GRIN2B: variants seen among roughly 807,000 people sequenced by gnomAD.
GRIN2B encodes the protein glutamate ionotropic receptor NMDA type subunit 2B, also known as glutamate receptor ionotropic, NMDA 2B.
In GRIN2B, 5 loss-of-function variants were observed where a neutral mutation model predicts 114.5. The ratio of observed to expected loss-of-function variants is 0.04; its 90% CI spans 0.02 to 0.09. The LOEUF (loss-of-function observed/expected upper bound fraction) is 0.09, where lower values mean the gene tolerates loss of function less well. Ranked by LOEUF, GRIN2B falls within the 10% of genes least tolerant of loss-of-function variation. The pLI is 1.00. For missense variants in GRIN2B, 1,108 were observed against 1,943.5 expected, an observed-to-expected ratio of 0.57 and a Z score of 8.08; for synonymous variants, 787 against 745.1, an observed-to-expected ratio of 1.06 and a Z score of -0.92.
At chr12:13,667,069 G>C (rs939027425) in intron 5 of GRIN2B, among the ~76,000 whole-genome samples, 1 of 152,140 alleles carries the variant, frequency 6.6e-6, no homozygotes, top group Admixed American at 6.5e-5. Context: ...GCGCTGGAAA[G>C]GGTCTCATAC....
chr12:13,690,923 A>G (rs1369430800), intron 4 of GRIN2B, among the ~76,000 whole-genome samples: 2 of 152,186 alleles, frequency 1.3e-5, no homozygotes, highest in African/African-American at 4.8e-5. Context: ...GAAAGAAATG[A>G]AATCAAATTC....
At chr12:13,647,276 G>A (rs1949769957) in intron 5 of GRIN2B, among the ~76,000 whole-genome samples, 1 of 152,046 alleles carries the variant, frequency 6.6e-6, no homozygotes, top group Non-Finnish European at 1.5e-5. Context: ...CTTTTTAATA[G>A]AAGAGGAAAT....
chr12:13,892,035 G>C (rs1402196025), intron 2 of GRIN2B, among the ~76,000 whole-genome samples: 1 of 152,074 alleles, frequency 6.6e-6, no homozygotes, highest in Non-Finnish European at 1.5e-5. Flanking sequence ...ACTCAGCCTG[G>C]GACATGTCAT....
chr12:13,681,844 CTGT>C lies in GRIN2B; in HGVS notation c.1011-5988_1011-5986del, dbSNP rs1457165827. Among the ~76,000 whole-genome samples the C allele has an allele frequency of 2.6e-5, 4 of 152,186 alleles. No homozygotes were observed. The South Asian group carries it at 6.2e-4, about 24-fold the overall frequency. On this transcript the variant is annotated intron_variant, in intron 4 of 13. Transcript: ENST00000609686. ...TGTTCTTAGTAATATTGCTATAATT[CTGT>C]TATTATTAGCTGCTGTTATTACTCT...
chr12:13,793,795 T>G (rs1019218111), intron 3 of GRIN2B, among the ~76,000 whole-genome samples: 1 of 152,164 alleles, frequency 6.6e-6, no homozygotes, highest in Non-Finnish European at 1.5e-5. Context: ...TCTTAGCCTC[T>G]GAGCACAATC....
intron 10 of GRIN2B, among the ~76,000 whole-genome samples, chr12:13,576,590 A>G (rs983917479): frequency 6.6e-6 from 1 of 150,908 alleles, no homozygotes; most frequent in Non-Finnish European, 1.5e-5. Flanking sequence ...TCTGTCACCC[A>G]GGCTGGAGTG....
At chr12:13,621,924 C>T (rs566337047) in intron 5 of GRIN2B, among the ~76,000 whole-genome samples, 17 of 152,194 alleles carry the variant, frequency 1.1e-4, no homozygotes, top group African/African-American at 3.9e-4. Flanking sequence ...AAAAAGACCA[C>T]AGAGACTGTG....
rs1565473696 is a variant in GRIN2B at position 13,607,358 on chromosome 12, T to TAATATATATTATATATAATATATAA, written c.2010+1244_2010+1245insTTATATATTATATATAATATATATT. On this transcript the variant is annotated intron_variant, in intron 10 of 13. Transcript: ENST00000609686. ...TATTATATATAATATATAAAATATATAATATATATTATATATTATATATAT... is the reference window on the plus strand; with the variant it reads ...TATTATATATAATATATAAAATATATAATATATATTATATATAATATATAAAATATATATTATATATTATATATAT... Among the ~76,000 whole-genome samples the TAATATATATTATATATAATATATAA allele has an allele frequency of 2.2e-4, 9 of 40,436 alleles. 1 individual carries two copies. Among genetic ancestry groups the TAATATATATTATATATAATATATAA allele is most frequent in the African/African-American group, 1.1e-3 (9 of 8,234 alleles). 26.5% of individuals were successfully genotyped at this position (40,436 alleles called of 152,430 possible). A position where few individuals can be genotyped will look rare whatever the true frequency, so the allele number is the denominator to read the frequency against.
At chr12:13,639,480 A>G (rs756982248) in intron 5 of GRIN2B, among the ~76,000 whole-genome samples, 1 of 152,226 alleles carries the variant, frequency 6.6e-6, no homozygotes, top group African/African-American at 2.4e-5. Context: ...TCAACGTTCA[A>G]TGTCCCATCT....
chr12:13,946,356 C>T (rs1371879997), intron 2 of GRIN2B, among the ~76,000 whole-genome samples: 1 of 151,928 alleles, frequency 6.6e-6, no homozygotes, highest in Admixed American at 6.6e-5. Flanking sequence ...TTATATCTAC[C>T]ACCATCCATT....
chr12:13,557,457 T>G lies in GRIN2B; in HGVS notation c.*5326A>C, dbSNP rs1487575063. ...AGAAACCAGACAATGACAGTAAATT[T>G]TATTGTATCACTAATTCAATTTGAT... On this transcript the variant is annotated 3_prime_UTR_variant, in exon 14 of 14. Coordinates refer to ENST00000609686, the MANE Select transcript of GRIN2B (RefSeq NM_000834.5). The G allele has an allele frequency of 6.6e-6, 1 of 152,246 alleles. No individual in the cohort carries two copies. The highest frequency in any genetic ancestry group is 1.5e-5 in the Non-Finnish European group (1 of 68,050). The allele number at this position is 152,246 out of a possible 1,614,324, so 9.4% of individuals were successfully genotyped here. A position where few individuals can be genotyped will look rare whatever the true frequency, so the allele number is the denominator to read the frequency against.
chr12:13,648,591 T>C (rs928395136), intron 5 of GRIN2B, among the ~76,000 whole-genome samples: 4 of 151,964 alleles, frequency 2.6e-5, no homozygotes, highest in African/African-American at 9.7e-5. Flanking sequence ...AGTTTCTCCT[T>C]TGATGAAAGA....
intron 3 of GRIN2B, among the ~76,000 whole-genome samples, chr12:13,775,369 G>A (rs1334079879): frequency 6.6e-6 from 1 of 152,204 alleles, no homozygotes; most frequent in Non-Finnish European, 1.5e-5. Context: ...TTTTAGGCAA[G>A]TTAGCCTCTC....
chr12:13,936,771 T>A (rs1867136488), intron 2 of GRIN2B, among the ~76,000 whole-genome samples: 1 of 151,988 alleles, frequency 6.6e-6, no homozygotes, highest in South Asian at 2.1e-4. Context: ...ACAGAAAATA[T>A]GCTCAAATAA....
chr12:13,583,502 T>C (rs1484535525), intron 10 of GRIN2B, among the ~76,000 whole-genome samples: 1 of 152,194 alleles, frequency 6.6e-6, no homozygotes, highest in East Asian at 1.9e-4. Flanking sequence ...CAGGGCTCTA[T>C]GCAAATAGAA....
At chr12:13,821,772 A>G (rs1424702164) in intron 3 of GRIN2B, among the ~76,000 whole-genome samples, 1 of 152,232 alleles carries the variant, frequency 6.6e-6, no homozygotes, top group African/African-American at 2.4e-5. Flanking sequence ...CTTACAATCT[A>G]GTGAACTATT....
In GRIN2B at chr12:13,542,345, A is replaced by G. The variant is rs1274092352; in HGVS notation, c.*20438T>C. The G allele has an allele frequency of 6.6e-6, 1 of 152,208 alleles. No individual in the cohort carries two copies. The highest frequency in any genetic ancestry group is 1.9e-4 in the East Asian group (1 of 5,186). 9.4% of individuals were successfully genotyped at this position (152,208 alleles called of 1,614,324 possible). Reference sequence around the variant, plus strand: ...AGCTTAGTTGGGAACCTTAGAAAGGACAAGATTTCCTGTGAAAATGTGTAC... The same window carrying G: ...AGCTTAGTTGGGAACCTTAGAAAGGGCAAGATTTCCTGTGAAAATGTGTAC... On this transcript the variant is annotated 3_prime_UTR_variant, in exon 14 of 14. Transcript: ENST00000609686.
intron 2 of GRIN2B, among the ~76,000 whole-genome samples, chr12:13,954,394 G>A (rs578014735): frequency 6.6e-5 from 10 of 152,278 alleles, no homozygotes; most frequent in African/African-American, 1.2e-4. Flanking sequence ...CAGCACATCC[G>A]GTTAATGTGG....
At chr12:13,629,562 T>G (rs986661511) in intron 5 of GRIN2B, among the ~76,000 whole-genome samples, 3 of 152,150 alleles carry the variant, frequency 2.0e-5, no homozygotes, top group Non-Finnish European at 4.4e-5. Context: ...GAATAATATC[T>G]AACTTTGGAA....
Sources: allele counts gnomAD v4.1 joint callset (sites outside exome capture counted in the v4.1 genomes callset), GRCh38; gene constraint gnomAD v4.1.1; transcripts MANE v1.5; gene names NCBI Gene and HGNC (gene_info 2026-07-23, HGNC 2026-07-21).